LDLRAD4: variants seen among roughly 807,000 people sequenced by gnomAD.
LDLRAD4 encodes the protein low-density lipoprotein receptor class A domain-containing protein 4.
LDLRAD4 carries 5 observed loss-of-function variants against 17.0 expected under a neutral mutation model. The observed-to-expected ratio is 0.29, with a 90% confidence interval of 0.15 to 0.62. The LOEUF is 0.62. LDLRAD4 is among the 20% of genes least tolerant of loss of function. The pLI is 0.84. For synonymous variants in LDLRAD4, 168 were observed against 171.8 expected (o/e 0.98, Z 0.17); for missense variants, 340 against 424.7 (o/e 0.80, Z 1.75).
At chr18:13,546,265 G>C (rs1474842406) in intron 3 of LDLRAD4, among the ~76,000 whole-genome samples, 1 of 152,114 alleles carries the variant, frequency 6.6e-6, no homozygotes, top group Non-Finnish European at 1.5e-5. Flanking sequence ...AAGCAGCTCT[G>C]CCGGGGAACC....
At chr18:13,287,060 A>T (rs1036710956) in intron 1 of LDLRAD4, among the ~76,000 whole-genome samples, 18 of 152,032 alleles carry the variant, frequency 1.2e-4, no homozygotes, top group African/African-American at 4.3e-4. Flanking sequence ...AATGTGGGGA[A>T]ATGACTGGAG....
chr18:13,477,215 G>A (rs1414238179), intron 3 of LDLRAD4, among the ~76,000 whole-genome samples: 2 of 152,202 alleles, frequency 1.3e-5, no homozygotes, highest in African/African-American at 4.8e-5. Context: ...CAGCTGTGGT[G>A]TTAGACTTCT....
At chr18:13,391,401 A>G (rs915714813) in intron 2 of LDLRAD4, among the ~76,000 whole-genome samples, 1 of 152,158 alleles carries the variant, frequency 6.6e-6, no homozygotes, top group African/African-American at 2.4e-5. Flanking sequence ...CCCTGTCCCC[A>G]TGCCACGTTG....
chr18:13,509,416 A>G (rs1002201909), intron 3 of LDLRAD4, among the ~76,000 whole-genome samples: 6 of 152,244 alleles, frequency 3.9e-5, no homozygotes, highest in Non-Finnish European at 7.3e-5. Flanking sequence ...CTAACTGCAA[A>G]TAAGGTAGAA....
chr18:13,552,891 C>A (rs112428946), intron 3 of LDLRAD4, among the ~76,000 whole-genome samples: 229 of 152,030 alleles, frequency 1.5e-3, no homozygotes, highest in African/African-American at 5.4e-3. Context: ...AGTTTGCTGC[C>A]CAAAAAAGTT....
chr18:13,348,793 C>T (rs976697683), intron 1 of LDLRAD4, among the ~76,000 whole-genome samples: 3 of 152,290 alleles, frequency 2.0e-5, no homozygotes, highest in Middle Eastern at 3.4e-3. Flanking sequence ...CCCCTAGCCT[C>T]GCTGCCACCT....
At chr18:13,566,226 G>A (rs1379923658) in intron 3 of LDLRAD4, among the ~76,000 whole-genome samples, 2 of 152,218 alleles carry the variant, frequency 1.3e-5, no homozygotes, top group Non-Finnish European at 2.9e-5. Context: ...AGGGCACTGA[G>A]CCAGGACAGT....
chr18:13,371,706 A>G (rs901863491), intron 1 of LDLRAD4, among the ~76,000 whole-genome samples: 14 of 151,446 alleles, frequency 9.2e-5, no homozygotes, highest in African/African-American at 3.4e-4. Context: ...CGGAGGTTGC[A>G]GTGAGCCGAG....
chr18:13,531,833 G>A (rs1422627558), intron 3 of LDLRAD4, among the ~76,000 whole-genome samples: 1 of 152,090 alleles, frequency 6.6e-6, no homozygotes, highest in African/African-American at 2.4e-5. Flanking sequence ...GGGGGTGAGG[G>A]TCCTCTGAGG....
At chr18:13,649,267 CT>C (rs1332543584) in exon 6 of LDLRAD4, 1 of 152,208 alleles carries the variant, frequency 6.6e-6, no homozygotes, top group Non-Finnish European at 1.5e-5. Context: ...TCTCTTTCAC[CT>C]TTATTTCATC....
chr18:13,631,144 G>A (rs1244895135), intron 4 of LDLRAD4, among the ~76,000 whole-genome samples: 4 of 152,212 alleles, frequency 2.6e-5, no homozygotes, highest in Non-Finnish European at 4.4e-5. Context: ...GGCTGCAGAC[G>A]ACTGTCCTTT....
intron 3 of LDLRAD4, chr18:13,562,901 A>G (rs985804879): frequency 6.6e-6 from 1 of 152,244 alleles, no homozygotes; most frequent in African/African-American, 2.4e-5. Context: ...TTCAGCTGCC[A>G]AGTTTCCTCT....
At chr18:13,241,982 G>A (rs1032285115) in intron 1 of LDLRAD4, 6 of 152,288 alleles carry the variant, frequency 3.9e-5, no homozygotes, top group African/African-American at 1.4e-4. Context: ...GTCATCACGC[G>A]AGGCCAGTGT....
chr18:13,427,189 A>G (rs1184691890), intron 2 of LDLRAD4, among the ~76,000 whole-genome samples: 2 of 151,852 alleles, frequency 1.3e-5, no homozygotes, highest in African/African-American at 4.8e-5. Context: ...CTTCTCAATA[A>G]ATAAATAAAC....
At position 13,500,011 on chromosome 18, in the gene LDLRAD4, T is replaced by C. The variant is rs189589627; in HGVS notation, c.181+61627T>C. Among the ~76,000 whole-genome samples the C allele has an allele frequency of 9.9e-5, 15 of 152,276 alleles. No individual in the cohort carries two copies. The East Asian group carries it at 1.5e-3, about 16-fold the overall frequency. ...TTACCTTCCTGATTGACAGGGACTTTCGGTTTTCTATTTAGAAGCACATGT... is the reference window on the plus strand; with the variant it reads ...TTACCTTCCTGATTGACAGGGACTTCCGGTTTTCTATTTAGAAGCACATGT... On this transcript the variant is annotated intron_variant, in intron 3 of 5. Transcript: ENST00000359446.
chr18:13,428,489 T>C (rs1311107767), intron 2 of LDLRAD4, among the ~76,000 whole-genome samples: 15 of 152,160 alleles, frequency 9.9e-5, no homozygotes, highest in Admixed American at 9.8e-4. Flanking sequence ...TATGAGGACT[T>C]GGGTTTTCAC....
At position 13,593,204 on chromosome 18, in the gene LDLRAD4, C is replaced by T. The variant is rs1158143033; in HGVS notation, c.182-27913C>T. Among the ~76,000 whole-genome samples the T allele has an allele frequency of 2.6e-5, 4 of 151,986 alleles. No homozygotes were observed. In the South Asian group the frequency reaches 6.2e-4, roughly 24 times the overall value. On this transcript the variant is annotated intron_variant, in intron 3 of 5. Transcript: ENST00000359446. ...GGTGTGTGCCTGTAATCCCAGCTACCGAGGAGGCTGAGGCAGAAGAATTAC... is the reference window on the plus strand; with the variant it reads ...GGTGTGTGCCTGTAATCCCAGCTACTGAGGAGGCTGAGGCAGAAGAATTAC...
At chr18:13,450,326 ACC>A (rs397793931) in intron 3 of LDLRAD4, among the ~76,000 whole-genome samples, 17 of 68,108 alleles carry the variant, frequency 2.5e-4, no homozygotes, top group African/African-American at 8.8e-4. Context: ...CTCTCCCCCC[ACC>A]CCCCCCCCCA....
chr18:13,420,822 G>T (rs112082503), intron 2 of LDLRAD4: 1 of 152,208 alleles, frequency 6.6e-6, no homozygotes, highest in Admixed American at 6.5e-5. Context: ...ACTTCAGAAC[G>T]GTCGCGACAC....
Sources: gnomAD v4.1 joint callset for allele counts (sites outside exome capture counted in the v4.1 genomes callset) on GRCh38, gnomAD v4.1.1 for gene constraint, MANE v1.5 for transcripts, NCBI Gene and HGNC (gene_info 2026-07-23, HGNC 2026-07-21) for gene names.